The following CUX2 variants were observed in gnomAD, a reference collection of about 807,000 sequenced individuals.
The protein encoded by CUX2 is homeobox protein cut-like 2.
Under a neutral mutation model 144.8 loss-of-function variants are expected in CUX2, and 40 were observed. The observed-to-expected ratio is 0.28, with a 90% CI of 0.21 to 0.36. The LOEUF is 0.36. Among genes scored for constraint, CUX2 ranks in the 10% least tolerant of loss-of-function variants. CUX2 has a pLI of 1.00. For missense variants in CUX2, 1,615 were observed against 1,994.0 expected (o/e 0.81, Z 3.62); for synonymous variants, 827 against 875.6 (o/e 0.94, Z 0.98).
At chr12:111,323,501 A>G (rs1887633033) in intron 18 of CUX2, among the ~76,000 whole-genome samples, 1 of 152,252 alleles carries the variant, frequency 6.6e-6, no homozygotes, top group South Asian at 2.1e-4. Flanking sequence ...ATATTTAAAA[A>G]GAGGCTGAGG....
intron 4 of CUX2, among the ~76,000 whole-genome samples, chr12:111,278,611 C>T (rs1884986662): frequency 6.6e-6 from 1 of 152,168 alleles, no homozygotes; most frequent in African/African-American, 2.4e-5. Context: ...AATTGAGCAC[C>T]TACTATGTGA....
At chr12:111,261,902 C>G (rs1174183303) in intron 3 of CUX2, among the ~76,000 whole-genome samples, 2 of 152,114 alleles carry the variant, frequency 1.3e-5, no homozygotes, top group Non-Finnish European at 2.9e-5. Flanking sequence ...AAGACTCTGT[C>G]TCTAAATAAA....
chr12:111,045,809 C>T (rs1460936853), intron 1 of CUX2, among the ~76,000 whole-genome samples: 1 of 152,210 alleles, frequency 6.6e-6, no homozygotes, highest in Non-Finnish European at 1.5e-5. Flanking sequence ...GGGACTGAAA[C>T]ACAGCCCCTA....
chr12:111,155,930 AAAAAAT>A (rs1260974732), intron 1 of CUX2, among the ~76,000 whole-genome samples: 3 of 151,882 alleles, frequency 2.0e-5, no homozygotes, highest in Non-Finnish European at 4.4e-5. Context: ...AAATAAAAAA[AAAAAAT>A]AAAAATAAAA....
At chr12:111,327,324 C>A (rs984856147) in intron 18 of CUX2, among the ~76,000 whole-genome samples, 1 of 152,104 alleles carries the variant, frequency 6.6e-6, no homozygotes, top group Admixed American at 6.6e-5. Flanking sequence ...TTGAATAATG[C>A]GCCTATGAAA....
chr12:111,324,150 AC>A (rs1887664443), intron 18 of CUX2, among the ~76,000 whole-genome samples: 1 of 152,050 alleles, frequency 6.6e-6, no homozygotes, highest in South Asian at 2.1e-4. Flanking sequence ...GGAGTTCGAG[AC>A]CAGTCTGGCC....
At chr12:111,273,073 GC>G (rs1884705252) in intron 4 of CUX2, among the ~76,000 whole-genome samples, 1 of 152,170 alleles carries the variant, frequency 6.6e-6, no homozygotes, top group South Asian at 2.1e-4. Context: ...GTCCAGGCCT[GC>G]CCTTGGAGAC....
intron 1 of CUX2, among the ~76,000 whole-genome samples, chr12:111,038,391 G>A (rs973877057): frequency 7.2e-5 from 11 of 152,232 alleles, no homozygotes; most frequent in South Asian, 4.1e-4. Context: ...AATTGCTGCC[G>A]AGGTCCAATT....
chr12:111,329,933 G>A (rs1027213296), intron 18 of CUX2, among the ~76,000 whole-genome samples: 9 of 152,118 alleles, frequency 5.9e-5, no homozygotes, highest in African/African-American at 1.9e-4. Context: ...CACCATGCCC[G>A]GCCCAAAGAC....
chr12:111,342,161 AC>A, intron 21 of CUX2, 108 bp downstream of exon 21: 1 of 1,285,140 alleles, frequency 7.8e-7, no homozygotes, highest in Non-Finnish European at 1.1e-6. Context: ...GAGATGGAAG[AC>A]CCCATCACAT....
At chr12:111,188,636 G>A (rs1879696426) in intron 1 of CUX2, among the ~76,000 whole-genome samples, 1 of 152,090 alleles carries the variant, frequency 6.6e-6, no homozygotes, top group Non-Finnish European at 1.5e-5. Flanking sequence ...GGAACCCAGA[G>A]AGCGGGGGGG....
chr12:111,168,488 C>G (rs901756590), intron 1 of CUX2, among the ~76,000 whole-genome samples: 1 of 152,178 alleles, frequency 6.6e-6, no homozygotes, highest in Non-Finnish European at 1.5e-5. Flanking sequence ...CAAGCAGGAC[C>G]TCCCACCACA....
At chr12:111,252,352 T>G (rs1883600551) in intron 3 of CUX2, among the ~76,000 whole-genome samples, 1 of 152,194 alleles carries the variant, frequency 6.6e-6, no homozygotes, top group Non-Finnish European at 1.5e-5. Context: ...TGAATGGGGA[T>G]GCAGGCCCCA....
At chr12:111,296,357 C>T (rs1265104530) in intron 7 of CUX2, 116 bp from the exon 8 acceptor site, 6 of 809,572 alleles carry the variant, frequency 7.4e-6, no homozygotes, top group African/African-American at 1.7e-5. Flanking sequence ...CCCTCACTAC[C>T]CGAGCTCTCA....
At chr12:111,179,681 T>C (rs1040887947) in intron 1 of CUX2, among the ~76,000 whole-genome samples, 2 of 150,208 alleles carry the variant, frequency 1.3e-5, no homozygotes, top group Non-Finnish European at 2.9e-5. Flanking sequence ...GCCATGGTTT[T>C]GTTTTTTTTT....
intron 3 of CUX2, among the ~76,000 whole-genome samples, chr12:111,231,877 G>T (rs1882479436): frequency 6.6e-6 from 1 of 152,130 alleles, no homozygotes; most frequent in African/African-American, 2.4e-5. Context: ...GGAGGCTGGG[G>T]CAGGTAGATC....
Position 111,347,960 on chromosome 12 carries a change from G to A in CUX2, c.4096G>A (p.Glu1366Lys), listed in dbSNP as rs564202198. ...CTGTCCCTCACTTCATCCCCAACAG[G>A]AGAGTGAGGCCGGGGAGCGACTTCA... Reference protein sequence around the residue: ...PDCPSLHPQQESEAGERLHPD... With the variant: ...PDCPSLHPQQKSEAGERLHPD... Residue 1366 changes from glutamate to lysine, a missense_variant, in exon 22 of 22, where the codon GAG becomes AAG. Physicochemically the swap from Glu to Lys is moderately conservative, Grantham distance 56. Around this residue, in one of 12 missense-constraint regions of CUX2, gnomAD observed 298 missense variants for 330.4 expected, o/e 0.90. Coordinates refer to ENST00000261726, the MANE Select transcript of CUX2 (RefSeq NM_015267.4). The A allele has an allele frequency of 1.2e-6, 2 of 1,614,140 alleles. No homozygotes were observed. The highest frequency in any genetic ancestry group is 2.7e-5 in the African/African-American group (2 of 75,032).
intron 1 of CUX2, among the ~76,000 whole-genome samples, chr12:111,043,760 G>T (rs916474580): frequency 6.6e-6 from 1 of 152,184 alleles, no homozygotes; most frequent in Non-Finnish European, 1.5e-5. Flanking sequence ...GCCTCTGAAA[G>T]GGGAAATAAG....
At chr12:111,237,456 C>T (rs186004605) in intron 3 of CUX2, among the ~76,000 whole-genome samples, 10 of 152,274 alleles carry the variant, frequency 6.6e-5, no homozygotes, top group East Asian at 3.9e-4. Flanking sequence ...GAATGATGGG[C>T]GTCCCCACCT....
Sources: allele counts gnomAD v4.1 joint callset (sites outside exome capture counted in the v4.1 genomes callset), GRCh38; gene constraint gnomAD v4.1.1; regional missense constraint gnomAD v4.1.1; transcripts MANE v1.5; gene names NCBI Gene and HGNC (gene_info 2026-07-23, HGNC 2026-07-21).